The following SCN7A variants were observed in gnomAD, a reference collection of about 807,000 sequenced individuals.
The protein encoded by SCN7A is sodium voltage-gated channel alpha subunit 7.
In SCN7A, 138 loss-of-function variants were observed where a neutral mutation model predicts 155.2. That is an observed-to-expected ratio of 0.89 (90% CI 0.77 to 1.02). The LOEUF is 1.02. Ranked by LOEUF, SCN7A falls within the 50% of genes least tolerant of loss-of-function variation. SCN7A has a pLI of 0.00. For synonymous variants in SCN7A, 693 were observed against 649.0 expected (o/e 1.07, Z -1.03); for missense variants, 2,058 against 1,986.6 (o/e 1.04, Z -0.68).
intron 6 of SCN7A, 92 bp downstream of exon 6, chr2:166,472,225 A>C: frequency 3.1e-6 from 4 of 1,287,334 alleles, no homozygotes; most frequent in Non-Finnish European, 3.1e-6. Flanking sequence ...GACTATCTGC[A>C]GGCCAAAATC....
At chr2:166,428,241 A>G (rs1190112046) in intron 17 of SCN7A, among the ~76,000 whole-genome samples, 1 of 152,096 alleles carries the variant, frequency 6.6e-6, no homozygotes, top group Admixed American at 6.6e-5. Flanking sequence ...GTATTCACTA[A>G]TAGCACAAAA....
In SCN7A at chr2:166,416,720, G is replaced by C. The variant is rs868616799; in HGVS notation, c.3401C>G (p.Ser1134Cys). 1 of 1,606,404 alleles carries C rather than the reference G, an allele frequency of 6.2e-7. No individual in the cohort carries two copies. Among genetic ancestry groups the C allele is most frequent in the Admixed American group, 1.7e-5 (1 of 59,020 alleles). ...AAGTGTACTTACTACTTGAAGCAGA[G>C]AAAGGAAACCATTTCCAACATTATC... ...NFDNVGNGFL[S>C]LLQVATFNGW... is the part of the protein sequence containing the mutation. The change falls in exon 21 of 26, where the codon TCT becomes TGT. Residue 1134 changes from serine to cysteine, a missense_variant. Coordinates refer to ENST00000643258, the MANE Select transcript of SCN7A (RefSeq NM_002976.4).
In SCN7A at chr2:166,414,265, CACACACATATATATATATAT is replaced by C. The variant is rs1472561674; in HGVS notation, c.3415-1164_3415-1145del. ...ATGTAAATATATATAGATATATATA[CACACACATATATATATATAT>C]ACACACACATATATATATATATATA... On this transcript the variant is annotated intron_variant, in intron 21 of 25. Coordinates refer to ENST00000643258, the MANE Select transcript of SCN7A (RefSeq NM_002976.4). Among the ~76,000 whole-genome samples, 6 of 22,670 alleles carry C rather than the reference CACACACATATATATATATAT, an allele frequency of 2.6e-4. No individual in the cohort carries two copies. The East Asian group carries it at 4.6e-3, about 17-fold the overall frequency. 14.9% of individuals were successfully genotyped at this position (22,670 alleles called of 152,430 possible).
chr2:166,465,931 T>C lies in SCN7A; in HGVS notation c.721A>G (p.Ile241Val). The change falls in exon 8 of 26, where the codon ATT becomes GTT. Residue 241 changes from isoleucine to valine, a missense_variant. Ile to Val is a conservative substitution (Grantham distance 29, BLOSUM62 3). Transcript: ENST00000643258. ...CTCAGAAAAAACAGAGTTAGGATAA[T>C]GACACCAATAAGCTGCTTCAAGCAG... The part of the protein sequence containing the change: ...IHCLKQLIGV[I>V]ILTLFFLSIF... 7 of 1,613,626 alleles carry C rather than the reference T, an allele frequency of 4.3e-6. No individual in the cohort carries two copies. The highest frequency in any genetic ancestry group is 5.9e-6 in the Non-Finnish European group (7 of 1,179,748).
chr2:166,489,997 T>A (rs981689332), intron 1 of SCN7A, among the ~76,000 whole-genome samples: 1 of 151,836 alleles, frequency 6.6e-6, no homozygotes, highest in Non-Finnish European at 1.5e-5. Flanking sequence ...TGATGTTATT[T>A]TATATATATA....
rs987877391 is a variant in SCN7A at position 166,462,264 on chromosome 2, T to C, written c.1083+125A>G. ...TGACATTCAGTAATTCTAGTTCTCT[T>C]TTCTTTTGTCTTCCAATTCTTCTGC... On this transcript the variant is annotated intron_variant, in intron 10 of 25. Coordinates refer to ENST00000643258, the MANE Select transcript of SCN7A (RefSeq NM_002976.4). The C allele has an allele frequency of 6.6e-6, 7 of 1,054,742 alleles. No homozygotes were observed. In the African/African-American group the frequency reaches 9.6e-5, roughly 14 times the overall value. 65.3% of individuals were successfully genotyped at this position (1,054,742 alleles called of 1,614,324 possible).
intron 11 of SCN7A, among the ~76,000 whole-genome samples, chr2:166,455,827 G>A (rs369678942): frequency 2.0e-5 from 3 of 152,262 alleles, no homozygotes; most frequent in East Asian, 1.9e-4. Context: ...CACTGATTCT[G>A]TTTATGTGAT....
chr2:166,474,657 C>T (rs1157428218), intron 3 of SCN7A, among the ~76,000 whole-genome samples: 2 of 151,668 alleles, frequency 1.3e-5, no homozygotes, highest in East Asian at 3.9e-4. Context: ...AACACAATAT[C>T]CCAATGGCTC....
intron 20 of SCN7A, among the ~76,000 whole-genome samples, chr2:166,417,389 C>T (rs1217732443): frequency 6.6e-6 from 1 of 152,122 alleles, no homozygotes; most frequent in Non-Finnish European, 1.5e-5. Context: ...AGGAGAATCG[C>T]TTGAAGCCAG....
At position 166,445,067 on chromosome 2, in the gene SCN7A, G is replaced by A. The variant is rs140349545; in HGVS notation, c.1388-67C>T. The A allele has an allele frequency of 4.7e-3, 4,586 of 971,482 alleles. 259 individuals carry two copies. The Admixed American group carries it at 0.091, about 19-fold the overall frequency. 60.2% of individuals were successfully genotyped at this position (971,482 alleles called of 1,614,324 possible). On this transcript the variant is annotated intron_variant, in intron 12 of 25. Transcript: ENST00000643258. The stretch of plus-strand genomic sequence containing the variant: ...GCAGTGGCTCATGCCTGTAATCCCA[G>A]CACTTTGGGAAGCCGAGGTGGGTGA...
intron 23 of SCN7A, among the ~76,000 whole-genome samples, chr2:166,411,359 T>C (rs1255749459): frequency 6.6e-6 from 1 of 152,074 alleles, no homozygotes; most frequent in Non-Finnish European, 1.5e-5. Context: ...ACCCACACAT[T>C]ACTCACTTTG....
intron 14 of SCN7A, among the ~76,000 whole-genome samples, chr2:166,442,115 T>C (rs1389272641): frequency 6.6e-6 from 1 of 152,182 alleles, no homozygotes; most frequent in African/African-American, 2.4e-5. Context: ...TACGTTGACA[T>C]GAAAATGATA....
Position 166,473,862 on chromosome 2 carries a change from C to T in SCN7A, c.380G>A (p.Ser127Asn). ...CATGAATACGCAATCAATCAGGACA[C>T]TAATTAGAATAAACAGTTGGAAAAA... is the stretch of plus-strand genomic sequence containing the variant. ...HPFFQLFILI[S>N]VLIDCVFMSL... The change falls in exon 5 of 26, where the codon AGT becomes AAT. Residue 127 changes from serine (S) to asparagine (N), a missense_variant. Physicochemically the swap from Ser to Asn is conservative, Grantham distance 46. Coordinates refer to ENST00000643258, the MANE Select transcript of SCN7A (RefSeq NM_002976.4). 1 of 1,568,090 alleles carries T rather than the reference C, an allele frequency of 6.4e-7. No individual in the cohort carries two copies. Among genetic ancestry groups the T allele is most frequent in the Non-Finnish European group, 8.7e-7 (1 of 1,153,120 alleles).
At chr2:166,418,284 C>CTTTTTTTTTTT (rs71031244) in intron 20 of SCN7A, among the ~76,000 whole-genome samples, 3 of 60,668 alleles carry the variant, frequency 4.9e-5, no homozygotes, top group African/African-American at 2.2e-4. Flanking sequence ...CCCCGCCAGG[C>CTTTTTTTTTTT]TTTTTTTTTT....
chr2:166,492,737 T>C (rs1683141034), intron 1 of SCN7A, among the ~76,000 whole-genome samples: 1 of 152,198 alleles, frequency 6.6e-6, no homozygotes, highest in Non-Finnish European at 1.5e-5. Flanking sequence ...AAAATCAGAA[T>C]AGTGAAGTAG....
chr2:166,431,819 C>T (rs1448247073), intron 16 of SCN7A, among the ~76,000 whole-genome samples: 2 of 151,890 alleles, frequency 1.3e-5, no homozygotes, highest in East Asian at 1.9e-4. Flanking sequence ...TGATCTGATT[C>T]AAATCTTAGA....
chr2:166,456,886 C>A lies in SCN7A; in HGVS notation c.1274G>T (p.Gly425Val), dbSNP rs1328937759. The A allele has an allele frequency of 6.5e-7, 1 of 1,539,266 alleles. No individual in the cohort carries two copies. The highest frequency in any genetic ancestry group is 2.0e-5 in the Admixed American group (1 of 50,920). ...FQQTGKELQE[G>V]NETDEAKTIQ... ...TATAGATACCTCATCTGTTTCATTTCCTTCTTGAAGTTCTTTTCCAGTCTG... is the reference window on the plus strand; with the variant it reads ...TATAGATACCTCATCTGTTTCATTTACTTCTTGAAGTTCTTTTCCAGTCTG... Residue 425 changes from glycine to valine, a missense_variant, in exon 11 of 26, where the codon GGA (glycine) becomes GTA (valine). By Grantham distance (109) the Gly-to-Val change is moderately radical. Coordinates refer to ENST00000643258, the MANE Select transcript of SCN7A (RefSeq NM_002976.4).
At position 166,421,288 on chromosome 2, in the gene SCN7A, G is replaced by C; in HGVS notation, c.3037C>G (p.Leu1013Val). 1 of 1,502,962 alleles carries C rather than the reference G, an allele frequency of 6.7e-7. No homozygotes were observed. Among genetic ancestry groups the C allele is most frequent in the African/African-American group, 1.4e-5 (1 of 70,588 alleles). The allele number at this position is 1,502,962 out of a possible 1,614,324, so 93.1% of individuals were successfully genotyped here. Residue 1013 changes from leucine to valine, a missense_variant, in exon 20 of 26, where the codon CTT becomes GTT. Physicochemically the swap from Leu to Val is conservative, Grantham distance 32. Coordinates refer to ENST00000643258, the MANE Select transcript of SCN7A (RefSeq NM_002976.4). ...TCCCGAGTTTTGCCTATTAAGCTAA[G>C]ACAAAACACCTATATATTTTTTTTA... is the stretch of plus-strand genomic sequence containing the variant. ...LDFVVVIVFC[L>V]SLIGKTREEL...
chr2:166,491,289 C>T (rs1022130840), intron 1 of SCN7A, among the ~76,000 whole-genome samples: 1 of 152,116 alleles, frequency 6.6e-6, no homozygotes, highest in Non-Finnish European at 1.5e-5. Context: ...TCTTTGATGT[C>T]TAGGCAGTCA....
Sources: allele counts gnomAD v4.1 joint callset (sites outside exome capture counted in the v4.1 genomes callset), GRCh38; gene constraint gnomAD v4.1.1; transcripts MANE v1.5; gene names NCBI Gene and HGNC (gene_info 2026-07-23, HGNC 2026-07-21).